The following PRKN variants were observed in gnomAD, a reference collection of about 807,000 sequenced individuals.
PRKN encodes parkin RBR E3 ubiquitin protein ligase.
A neutral mutation model predicts 59.5 loss-of-function variants in PRKN; 56 were observed. The ratio of observed to expected loss-of-function variants is 0.94; its 90% CI spans 0.76 to 1.18. The LOEUF (loss-of-function observed/expected upper bound fraction) is 1.18. PRKN is among the 50% of genes most tolerant of loss of function. PRKN has a pLI of 0.00. For synonymous variants in PRKN, 250 were observed against 222.1 expected, an observed-to-expected ratio of 1.13 and a Z score of -1.12; for missense variants, 657 against 596.4, an observed-to-expected ratio of 1.10 and a Z score of -1.06.
At chr6:161,679,872 A>T (rs989083796) in intron 7 of PRKN, among the ~76,000 whole-genome samples, 9 of 146,418 alleles carry the variant, frequency 6.1e-5, no homozygotes, top group Admixed American at 5.0e-4. Context: ...CTCCTGCCTC[A>T]GCCCCCCCAG....
At chr6:161,622,275 C>G (rs1161002207) in intron 7 of PRKN, among the ~76,000 whole-genome samples, 2 of 152,184 alleles carry the variant, frequency 1.3e-5, no homozygotes, top group Non-Finnish European at 2.9e-5. Flanking sequence ...GCTGTGTAGC[C>G]TCTGAAGATC....
At chr6:162,042,071 G>T (rs1784087126) in intron 5 of PRKN, among the ~76,000 whole-genome samples, 1 of 151,626 alleles carries the variant, frequency 6.6e-6, no homozygotes. Context: ...TAATTACTCA[G>T]CTGTAATGAA....
chr6:162,316,184 AG>A, intron 2 of PRKN, among the ~76,000 whole-genome samples: 1 of 151,814 alleles, frequency 6.6e-6, no homozygotes. Flanking sequence ...TAGGCATACA[AG>A]ATGTATAGGA....
chr6:162,696,205 A>T (rs1777960313), intron 1 of PRKN, among the ~76,000 whole-genome samples: 1 of 152,240 alleles, frequency 6.6e-6, no homozygotes, highest in African/African-American at 2.4e-5. Context: ...TAAGTATCAT[A>T]AAAGAAAACA....
intron 6 of PRKN, among the ~76,000 whole-genome samples, chr6:161,913,299 G>C (rs568271540): frequency 1.3e-5 from 2 of 151,792 alleles, no homozygotes; most frequent in Admixed American, 1.3e-4. Flanking sequence ...TATGCCAAGA[G>C]ACTAACGTCT....
intron 3 of PRKN, among the ~76,000 whole-genome samples, chr6:162,218,778 A>G (rs1777808279): frequency 6.6e-6 from 1 of 152,114 alleles, no homozygotes; most frequent in Non-Finnish European, 1.5e-5. Flanking sequence ...GGGGTGGTAG[A>G]TAATGCACAT....
At chr6:161,358,290 G>C (rs538008678) in intron 11 of PRKN, among the ~76,000 whole-genome samples, 3 of 152,164 alleles carry the variant, frequency 2.0e-5, no homozygotes, top group Admixed American at 6.6e-5. Flanking sequence ...CACCAACCTT[G>C]AGAATTATTA....
At chr6:162,048,494 A>C (rs1777482177) in intron 5 of PRKN, among the ~76,000 whole-genome samples, 1 of 152,016 alleles carries the variant, frequency 6.6e-6, no homozygotes, top group Admixed American at 6.6e-5. Context: ...TAGGATTCGG[A>C]ACTCAGAAAT....
intron 1 of PRKN, among the ~76,000 whole-genome samples, chr6:162,680,065 T>A (rs1779711494): frequency 6.6e-6 from 1 of 152,086 alleles, no homozygotes; most frequent in Admixed American, 6.6e-5. Flanking sequence ...CATTAAAATG[T>A]TATTTTCTGT....
chr6:162,443,672 C>G (rs1041089022), intron 1 of PRKN, among the ~76,000 whole-genome samples, 199 bp from the exon 2 acceptor site: 2 of 152,148 alleles, frequency 1.3e-5, no homozygotes, highest in Non-Finnish European at 2.9e-5. Context: ...ACGAGATTTC[C>G]CTTTCATATA....
At chr6:162,249,128 T>C (rs535687944) in intron 3 of PRKN, among the ~76,000 whole-genome samples, 5 of 152,290 alleles carry the variant, frequency 3.3e-5, no homozygotes, top group East Asian at 3.9e-4. Context: ...TCAGCCCGCC[T>C]TGGCCTCCCA....
intron 1 of PRKN, among the ~76,000 whole-genome samples, chr6:162,685,007 A>G (rs1779915670): frequency 6.6e-6 from 1 of 152,210 alleles, no homozygotes; most frequent in Non-Finnish European, 1.5e-5. Context: ...TAATTTATAT[A>G]TATTGCATCT....
At chr6:162,647,397 C>A (rs1320603704) in intron 1 of PRKN, among the ~76,000 whole-genome samples, 4 of 152,016 alleles carry the variant, frequency 2.6e-5, no homozygotes, top group Non-Finnish European at 4.4e-5. Context: ...TTAGACTTAA[C>A]AAATCTTAAC....
intron 3 of PRKN, among the ~76,000 whole-genome samples, chr6:162,214,178 G>A (rs185125823): frequency 6.6e-6 from 1 of 152,158 alleles, no homozygotes; most frequent in Admixed American, 6.5e-5. Context: ...AAACAAATAG[G>A]CACCTGAAGG....
intron 7 of PRKN, among the ~76,000 whole-genome samples, chr6:161,706,976 G>C (rs969127353): frequency 6.6e-6 from 1 of 152,158 alleles, no homozygotes. Flanking sequence ...TAGGAAAAGC[G>C]ATATCGAAAA....
rs58654081 is a variant in PRKN, at chr6:161,897,802, TA to T, written c.734+75499del. On this transcript the variant is annotated intron_variant, in intron 6 of 11. Coordinates refer to ENST00000366898, the MANE Select transcript of PRKN (RefSeq NM_004562.3). ...CGAGACCAAGGTGAAACCCCGTCTC[TA>T]CTGAAAATACAAAAAGTTCCGGGCG... Among the ~76,000 whole-genome samples, 1,127 of 130,296 alleles carry T rather than the reference TA, an allele frequency of 8.6e-3. 11 individuals are homozygous for T. Among genetic ancestry groups the T allele is most frequent in the African/African-American group, 0.036 (1,063 of 29,444 alleles). 85.5% of individuals were successfully genotyped at this position (130,296 alleles called of 152,430 possible). A position where few individuals can be genotyped will look rare whatever the true frequency, so the allele number is the denominator to read the frequency against.
chr6:161,941,658 T>C (rs1779572159), intron 6 of PRKN, among the ~76,000 whole-genome samples: 1 of 152,172 alleles, frequency 6.6e-6, no homozygotes, highest in Admixed American at 6.5e-5. Context: ...ACATGCCCAC[T>C]GGGGTTTCAG....
At position 161,845,331 on chromosome 6, in the gene PRKN, C is replaced by G. The variant is rs190989218; in HGVS notation, c.735-59423G>C. Reference sequence around the variant, plus strand: ...TGTGCCCTACAAATATCATCACTGTCTTCACGTGGAACGAGGAAAAAATGT... The same window carrying G: ...TGTGCCCTACAAATATCATCACTGTGTTCACGTGGAACGAGGAAAAAATGT... On this transcript the variant is annotated intron_variant, in intron 6 of 11. Transcript: ENST00000366898. Among the ~76,000 whole-genome samples the G allele has an allele frequency of 2.5e-3, 382 of 152,268 alleles. 3 individuals are homozygous for G. Among genetic ancestry groups the G allele is most frequent in the Admixed American group, 3.2e-3 (49 of 15,302 alleles).
intron 9 of PRKN, among the ~76,000 whole-genome samples, chr6:161,523,934 G>C (rs537661676): frequency 1.3e-5 from 2 of 152,228 alleles, no homozygotes; most frequent in African/African-American, 4.8e-5. Context: ...GCAAGAGAGA[G>C]ACTGGGAATA....
Sources: gnomAD v4.1 joint callset for allele counts (sites outside exome capture counted in the v4.1 genomes callset) on GRCh38, gnomAD v4.1.1 for gene constraint, MANE v1.5 for transcripts, NCBI Gene and HGNC (gene_info 2026-07-23, HGNC 2026-07-21) for gene names.